Variants in CSPP1 observed in about 807,000 individuals in gnomAD.
CSPP1 encodes centrosome and spindle pole-associated protein 1.
A neutral mutation model predicts 164.4 loss-of-function variants in CSPP1; 126 were observed. The observed-to-expected ratio is 0.77, with a 90% CI of 0.66 to 0.89. The LOEUF (loss-of-function observed/expected upper bound fraction) is 0.89, where lower values mean the gene tolerates loss of function less well. Among genes scored for constraint, CSPP1 ranks in the 40% least tolerant of loss-of-function variants. CSPP1 has a pLI of 0.00. For missense variants in CSPP1, 1,395 were observed against 1,449.8 expected, an observed-to-expected ratio of 0.96 and a Z score of 0.61; for synonymous variants, 472 against 476.7, an observed-to-expected ratio of 0.99 and a Z score of 0.13.
intron 4 of CSPP1, among the ~76,000 whole-genome samples, chr8:67,091,195 AT>A (rs1271882598): frequency 1.3e-5 from 2 of 152,222 alleles, no homozygotes; most frequent in Admixed American, 6.5e-5. Flanking sequence ...TGACTTCCCC[AT>A]TGTTACACAA....
intron 28 of CSPP1, among the ~76,000 whole-genome samples, chr8:67,181,338 A>AT (rs58029238): frequency 0.018 from 2,078 of 112,588 alleles, 41 homozygotes; most frequent in African/African-American, 0.044. Flanking sequence ...GTACCTGGCC[A>AT]TTTTTTTTTT....
At chr8:67,187,276 AGAAGAGTTGGAG>A (rs1222600070) in intron 28 of CSPP1, among the ~76,000 whole-genome samples, 25 of 152,232 alleles carry the variant, frequency 1.6e-4, no homozygotes, top group Admixed American at 6.5e-5. Flanking sequence ...ATGTTTAAAG[AGAAGAGTTGGAG>A]GACTCTCACA....
chr8:67,149,686 G>A (rs1825313984), intron 17 of CSPP1, 97 bp from the exon 18 acceptor site: 3 of 822,972 alleles, frequency 3.6e-6, no homozygotes, highest in Non-Finnish European at 5.3e-6. Context: ...TTGTCCTATT[G>A]TTTTTCTTTC....
chr8:67,118,694 A>G, intron 14 of CSPP1, 49 bp from the exon 15 acceptor site: 1 of 1,249,688 alleles, frequency 8.0e-7, no homozygotes, highest in South Asian at 1.4e-5. Flanking sequence ...AATATTATTA[A>G]ATGATTATTC....
At position 67,103,107 on chromosome 8, in the gene CSPP1, A is replaced by T. The variant is rs1479905045; in HGVS notation, c.994A>T (p.Ile332Leu). Residue 332 changes from isoleucine (I) to leucine (L), a missense_variant, in exon 8 of 31, where the codon ATA becomes TTA. Transcript: ENST00000678616. ...TGGGGATGTTATAGAACAGTCAAAC[A>T]TAAGAATTTCATCTGCTGAAAATAA... is the stretch of plus-strand genomic sequence containing the variant. ...HDGDVIEQSN[I>L]RISSAENKSA... 3 of 1,606,008 alleles carry T rather than the reference A, an allele frequency of 1.9e-6. No homozygotes were observed. Among genetic ancestry groups the T allele is most frequent in the South Asian group, 1.1e-5 (1 of 90,924 alleles).
intron 29 of CSPP1, 29 bp downstream of exon 29, chr8:67,190,788 C>T: frequency 6.7e-7 from 1 of 1,496,268 alleles, no homozygotes; most frequent in Non-Finnish European, 9.3e-7. Flanking sequence ...TCCCCCTTTT[C>T]AACTTAGAAG....
intron 5 of CSPP1, among the ~76,000 whole-genome samples, 196 bp downstream of exon 5, chr8:67,092,079 A>G (rs1220319200): frequency 1.3e-5 from 2 of 152,184 alleles, no homozygotes; most frequent in Non-Finnish European, 2.9e-5. Context: ...ATTTGTAACC[A>G]TATAATTTTA....
chr8:67,132,185 A>G (rs1000889553), intron 16 of CSPP1, 105 bp downstream of exon 16: 7 of 1,139,924 alleles, frequency 6.1e-6, no homozygotes, highest in Middle Eastern at 4.2e-4. Context: ...ACAGTTAATT[A>G]TAATTCAAAA....
Position 67,164,375 on chromosome 8 carries a change from C to A in CSPP1, c.2711-16C>A, listed in dbSNP as rs752753561. ...TATTCCTGTCTTGTGTTTTACTTATCAATGGGAATTTGCAGAGGAGAAAAA... is the reference window on the plus strand; with the variant it reads ...TATTCCTGTCTTGTGTTTTACTTATAAATGGGAATTTGCAGAGGAGAAAAA... On this transcript the variant is annotated splice_polypyrimidine_tract_variant and intron_variant, in intron 23 of 30. Coordinates refer to ENST00000678616, the MANE Select transcript of CSPP1 (RefSeq NM_001382391.1). The A allele has an allele frequency of 6.0e-6, 7 of 1,161,270 alleles. No homozygotes were observed. The highest frequency in any genetic ancestry group is 2.5e-5 in the South Asian group (2 of 80,890). 71.9% of individuals were successfully genotyped at this position (1,161,270 alleles called of 1,614,324 possible). A position where few individuals can be genotyped will look rare whatever the true frequency, so the allele number is the denominator to read the frequency against.
chr8:67,112,005 AAG>A lies in CSPP1; in HGVS notation c.1131_1132del (p.Lys378IlefsTer11). 1 of 1,611,912 alleles carries A rather than the reference AAG, an allele frequency of 6.2e-7. No homozygotes were observed. The highest frequency in any genetic ancestry group is 8.5e-7 in the Non-Finnish European group (1 of 1,178,806). Reference sequence around the variant, plus strand: ...GATCGAGAACTTATTCAGAGAAGGAAAGAGAAATACAGACTAGAACTGTTGGA... The same window carrying A: ...GATCGAGAACTTATTCAGAGAAGGAAAGAAATACAGACTAGAACTGTTGGA... On this transcript the variant is annotated frameshift_variant, in exon 10 of 31. Coordinates refer to ENST00000678616, the MANE Select transcript of CSPP1 (RefSeq NM_001382391.1). LOFTEE classifies it high-confidence loss of function.
chr8:67,150,215 G>T (rs1258621788), intron 18 of CSPP1, among the ~76,000 whole-genome samples: 5 of 151,914 alleles, frequency 3.3e-5, no homozygotes, highest in South Asian at 4.1e-4. Flanking sequence ...GCTAGTGGGG[G>T]ACATTTCTTA....
In CSPP1 at chr8:67,185,740, AGAT is replaced by A. The variant is rs141385240; in HGVS notation, c.3221-4898_3221-4896del. Among the ~76,000 whole-genome samples, 1,305 of 152,272 alleles carry A rather than the reference AGAT, an allele frequency of 8.6e-3. 16 individuals are homozygous for A. The highest frequency in any genetic ancestry group is 0.03 in the African/African-American group (1,226 of 41,552). On this transcript the variant is annotated intron_variant, in intron 28 of 30. Transcript: ENST00000678616. Reference sequence around the variant, plus strand: ...AACTTGCTGCTGCTGAAGATGATGAAGATGATGATGATGAGTTTGATGATGAGG... The same window carrying A: ...AACTTGCTGCTGCTGAAGATGATGAAGATGATGATGAGTTTGATGATGAGG...
chr8:67,076,686 T>A, intron 3 of CSPP1, 105 bp downstream of exon 3: 1 of 595,776 alleles, frequency 1.7e-6, no homozygotes, highest in Non-Finnish European at 2.8e-6. Context: ...ATCCTAGTAG[T>A]TTTTCTTTCT....
Position 67,095,321 on chromosome 8 carries a change from T to C in CSPP1, c.512T>C (p.Ile171Thr), listed in dbSNP as rs751521118. The C allele has an allele frequency of 2.5e-6, 4 of 1,573,608 alleles. No homozygotes were observed. Among genetic ancestry groups the C allele is most frequent in the Admixed American group, 2.1e-5 (1 of 47,090 alleles). ...EPKSQRNKKPIGQVKPDLTSQ... is the reference protein window; with the variant it reads ...EPKSQRNKKPTGQVKPDLTSQ... Reference sequence around the variant, plus strand: ...AAGAGTCAGAGAAATAAAAAACCTATTGGTCAAGTTAAGCCTGATCTAACT... The same window carrying C: ...AAGAGTCAGAGAAATAAAAAACCTACTGGTCAAGTTAAGCCTGATCTAACT... Residue 171 changes from isoleucine to threonine, a missense_variant, in exon 7 of 31, where the codon ATT becomes ACT. By Grantham distance (89) the Ile-to-Thr change is moderately conservative. Coordinates refer to ENST00000678616, the MANE Select transcript of CSPP1 (RefSeq NM_001382391.1).
chr8:67,187,237 A>G (rs1287257564), intron 28 of CSPP1, among the ~76,000 whole-genome samples: 1 of 152,222 alleles, frequency 6.6e-6, no homozygotes, highest in East Asian at 1.9e-4. Flanking sequence ...TTCATTTGGA[A>G]AGGCAAAAGA....
At chr8:67,155,612 A>C (rs1358287675) in intron 19 of CSPP1, among the ~76,000 whole-genome samples, 1 of 152,116 alleles carries the variant, frequency 6.6e-6, no homozygotes, top group Admixed American at 6.5e-5. Context: ...CCTGGGCAAC[A>C]TGATGAAACC....
Position 67,154,123 on chromosome 8 carries a change from T to G in CSPP1, c.2228T>G (p.Phe743Cys). The change falls in exon 19 of 31, where the codon TTT becomes TGT. Residue 743 changes from phenylalanine (F) to cysteine (C), a missense_variant. Coordinates refer to ENST00000678616, the MANE Select transcript of CSPP1 (RefSeq NM_001382391.1). ...QIKQQELYKN[F>C]LRFQIEEKKQ... ...AAACAGCAAGAATTATACAAGAATT[T>G]TCTTCGTTTCCAGGTGAAATGCTAT... 1 of 1,523,462 alleles carries G rather than the reference T, an allele frequency of 6.6e-7. No individual in the cohort carries two copies. Among genetic ancestry groups the G allele is most frequent in the Non-Finnish European group, 9.1e-7 (1 of 1,099,308 alleles). The allele number at this position is 1,523,462 out of a possible 1,614,324, so 94.4% of individuals were successfully genotyped here. A position where few individuals can be genotyped will look rare whatever the true frequency, so the allele number is the denominator to read the frequency against.
In CSPP1 at chr8:67,112,064, C is replaced by T. The variant is rs775285273; in HGVS notation, c.1186C>T (p.Arg396Ter). ...QMAEQQRNKR[R>*]EKDLELRVAA... is the part of the protein sequence containing the mutation. ...GGCTGAGCAACAGAGGAACAAGAGA[C>T]GGTAATGAAAGGTTTGCATTTAAAA... The change falls in exon 10 of 31, where the codon CGA (arginine) becomes TGA (stop). Residue 396 changes from arginine (R) to a stop codon, truncating the protein, a stop_gained and splice_region_variant. Transcript: ENST00000678616. LOFTEE classifies it high-confidence loss of function. 46 of 1,601,704 alleles carry T rather than the reference C, an allele frequency of 2.9e-5. No homozygotes were observed. In the East Asian group the frequency reaches 3.6e-4, roughly 13 times the overall value.
At chr8:67,091,645 G>T (rs2129544693) in intron 4 of CSPP1, among the ~76,000 whole-genome samples, 158 bp from the exon 5 acceptor site, 1 of 152,214 alleles carries the variant, frequency 6.6e-6, no homozygotes, top group South Asian at 2.1e-4. Context: ...TTTTGGTATG[G>T]TCTATATAGA....
Sources: gnomAD v4.1 joint callset for allele counts (sites outside exome capture counted in the v4.1 genomes callset) on GRCh38, gnomAD v4.1.1 for gene constraint, MANE v1.5 for transcripts, NCBI Gene and HGNC (gene_info 2026-07-23, HGNC 2026-07-21) for gene names.